Variants in MAD1L1 observed in about 807,000 individuals in gnomAD.
The protein encoded by MAD1L1 is mitotic arrest deficient 1 like 1.
In MAD1L1, 95 loss-of-function variants were observed where a neutral mutation model predicts 96.9. The ratio of observed to expected loss-of-function variants is 0.98; its 90% CI spans 0.83 to 1.16. MAD1L1 has a LOEUF of 1.16. Ranked by LOEUF, MAD1L1 falls within the 50% of genes most tolerant of loss-of-function variation. MAD1L1 has a pLI of 0.00. For synonymous variants in MAD1L1, 473 were observed against 396.6 expected, an observed-to-expected ratio of 1.19 and a Z score of -2.29; for missense variants, 1,007 against 954.4, an observed-to-expected ratio of 1.06 and a Z score of -0.73.
chr7:2,231,770 CAGAA>C (rs1385850743), intron 1 of MAD1L1, among the ~76,000 whole-genome samples: 3 of 152,016 alleles, frequency 2.0e-5, no homozygotes, highest in Non-Finnish European at 4.4e-5. Context: ...AACTAGGTAT[CAGAA>C]AGAAAGGTAT....
chr7:2,078,089 C>T lies in MAD1L1; in HGVS notation c.1074-8751G>A, dbSNP rs181955046. Among the ~76,000 whole-genome samples, 729 of 152,284 alleles carry T rather than the reference C, an allele frequency of 4.8e-3. 5 individuals are homozygous for T. The highest frequency in any genetic ancestry group is 5.0e-3 in the Non-Finnish European group (340 of 68,026). On this transcript the variant is annotated intron_variant, in intron 11 of 18. Coordinates refer to ENST00000265854, the MANE Select transcript of MAD1L1 (RefSeq NM_001013836.2). The stretch of plus-strand genomic sequence containing the variant: ...GCCCCCACTCACCACAGAGAGGAGC[C>T]GTCTCTGCCATCGAAGCCCCCAGCT...
intron 14 of MAD1L1, among the ~76,000 whole-genome samples, chr7:1,984,689 G>A (rs954732418): frequency 2.6e-5 from 4 of 152,238 alleles, no homozygotes; most frequent in African/African-American, 9.6e-5. Flanking sequence ...CACTTCACCA[G>A]GATGCCTTTG....
intron 12 of MAD1L1, among the ~76,000 whole-genome samples, chr7:2,053,777 G>A (rs957914058): frequency 6.6e-6 from 1 of 152,176 alleles, no homozygotes; most frequent in Non-Finnish European, 1.5e-5. Context: ...TCCTGTGACC[G>A]AGCTCTCCAA....
chr7:2,069,793 C>T (rs57429877), intron 11 of MAD1L1, among the ~76,000 whole-genome samples: 9,326 of 152,322 alleles, frequency 0.061, 557 homozygotes, highest in African/African-American at 0.15. Context: ...ACTGGGAACC[C>T]GAGAGGCCTC....
chr7:1,935,618 G>T (rs1055205263), intron 17 of MAD1L1, among the ~76,000 whole-genome samples: 1 of 152,222 alleles, frequency 6.6e-6, no homozygotes, highest in African/African-American at 2.4e-5. Flanking sequence ...ATCAGCCTGG[G>T]TGCTGGGCTG....
intron 3 of MAD1L1, among the ~76,000 whole-genome samples, chr7:2,228,662 CAT>C (rs56009551): frequency 0.68 from 102,925 of 150,974 alleles, 35,760 homozygotes; most frequent in African/African-American, 0.82. Context: ...TACACACACA[CAT>C]ATATATATAT....
chr7:1,868,264 A>C (rs1262527900), intron 18 of MAD1L1, among the ~76,000 whole-genome samples: 1 of 152,200 alleles, frequency 6.6e-6, no homozygotes, highest in Non-Finnish European at 1.5e-5. Context: ...GAAATCAGTT[A>C]GAACTTTCTG....
intron 18 of MAD1L1, among the ~76,000 whole-genome samples, chr7:1,856,030 T>G (rs10950407): frequency 0.29 from 44,661 of 152,062 alleles, 7,121 homozygotes; most frequent in East Asian, 0.44. Flanking sequence ...TGGGGTGCGG[T>G]GAGGGAGCTC....
chr7:2,028,016 A>G (rs1783059117), intron 12 of MAD1L1, among the ~76,000 whole-genome samples: 1 of 152,264 alleles, frequency 6.6e-6, no homozygotes, highest in Admixed American at 6.5e-5. Context: ...GTTAATAATC[A>G]AAGTCCAATT....
chr7:2,079,967 A>G (rs527795998), intron 11 of MAD1L1: 1 of 336,496 alleles, frequency 3.0e-6, no homozygotes, highest in East Asian at 8.5e-5. Context: ...TCCTGGACAC[A>G]TCTACCGTCT....
chr7:1,962,436 A>G (rs943920543), intron 15 of MAD1L1, among the ~76,000 whole-genome samples: 2 of 152,244 alleles, frequency 1.3e-5, no homozygotes, highest in African/African-American at 4.8e-5. Flanking sequence ...AGGATCATAT[A>G]TAACAGAAAA....
intron 18 of MAD1L1, 31 bp downstream of exon 18, chr7:1,898,169 C>T: frequency 1.3e-6 from 2 of 1,572,162 alleles, no homozygotes; most frequent in Non-Finnish European, 1.7e-6. Context: ...GAGAGCGAGA[C>T]AGCCGGAGAG....
chr7:1,861,044 G>A (rs1256417585), intron 18 of MAD1L1, among the ~76,000 whole-genome samples: 1 of 152,226 alleles, frequency 6.6e-6, no homozygotes, highest in Non-Finnish European at 1.5e-5. Context: ...AGCCGTCACT[G>A]GGACACCCAG....
chr7:2,189,035 C>T (rs1348493606), intron 10 of MAD1L1, among the ~76,000 whole-genome samples: 2 of 152,102 alleles, frequency 1.3e-5, no homozygotes, highest in African/African-American at 4.8e-5. Context: ...GACATTTTTC[C>T]AAAGAAGACA....
chr7:1,930,989 C>T (rs952775295), intron 17 of MAD1L1, among the ~76,000 whole-genome samples: 1 of 151,974 alleles, frequency 6.6e-6, no homozygotes, highest in African/African-American at 2.4e-5. Context: ...GGCAGCCTAC[C>T]CACGGTCACA....
chr7:2,206,689 G>C (rs1007409895), intron 10 of MAD1L1, among the ~76,000 whole-genome samples: 3 of 152,136 alleles, frequency 2.0e-5, no homozygotes, highest in Admixed American at 6.5e-5. Context: ...AATTTACAAC[G>C]TGTCTTGAAA....
At chr7:2,042,371 G>A (rs1294301592) in intron 12 of MAD1L1, among the ~76,000 whole-genome samples, 1 of 152,120 alleles carries the variant, frequency 6.6e-6, no homozygotes, top group Admixed American at 6.5e-5. Context: ...AGGCACAAGG[G>A]CATGCACACG....
intron 18 of MAD1L1, among the ~76,000 whole-genome samples, chr7:1,836,264 C>T (rs979327098): frequency 2.0e-5 from 3 of 152,118 alleles, no homozygotes; most frequent in African/African-American, 4.8e-5. Context: ...TCATGATCTG[C>T]CTGCCTCAGC....
chr7:1,993,038 A>G (rs1238179946), intron 14 of MAD1L1, among the ~76,000 whole-genome samples: 3 of 152,226 alleles, frequency 2.0e-5, no homozygotes, highest in Non-Finnish European at 4.4e-5. Context: ...ATAATTTTTC[A>G]AGATAAATGA....
Sources: gnomAD v4.1 joint callset for allele counts (sites outside exome capture counted in the v4.1 genomes callset) on GRCh38, gnomAD v4.1.1 for gene constraint, MANE v1.5 for transcripts, NCBI Gene and HGNC (gene_info 2026-07-23, HGNC 2026-07-21) for gene names.